Variants in METTL2B observed in about 807,000 individuals in gnomAD.
METTL2B encodes the protein tRNA N(3)-cytidine methyltransferase METTL2B.
Under a neutral mutation model 51.0 loss-of-function variants are expected in METTL2B, and 28 were observed. The ratio of observed to expected loss-of-function variants is 0.55; its 90% CI spans 0.41 to 0.75. The LOEUF (loss-of-function observed/expected upper bound fraction) is 0.75. Ranked by LOEUF, METTL2B falls within the 30% of genes least tolerant of loss-of-function variation. The pLI, the probability that METTL2B is intolerant of heterozygous loss-of-function variation, is 0.00. For missense variants in METTL2B, 313 were observed against 460.7 expected (o/e 0.68, Z 2.93); for synonymous variants, 128 against 166.3 (o/e 0.77, Z 1.77).
intron 5 of METTL2B, 31 bp from the exon 6 acceptor site, chr7:128,493,773 T>G (rs1377622102): frequency 6.3e-7 from 1 of 1,588,210 alleles, no homozygotes; most frequent in Admixed American, 1.9e-5. Flanking sequence ...TAATATTTTC[T>G]AACTTACTTG....
intron 6 of METTL2B, among the ~76,000 whole-genome samples, chr7:128,495,545 G>T (rs1430849816): frequency 1.3e-5 from 2 of 151,984 alleles, no homozygotes; most frequent in African/African-American, 4.8e-5. Flanking sequence ...CTGCCTCCCA[G>T]GTTAAAGCGA....
rs551890134 is a variant in METTL2B at position 128,498,222 on chromosome 7, C to A, written c.916+80C>A. 9.8e-5 allele frequency: 145 copies of A among 1,483,974 alleles called. 1 individual carries two copies. The highest frequency in any genetic ancestry group is 5.5e-4 in the African/African-American group (39 of 71,254). 91.9% of individuals were successfully genotyped at this position (1,483,974 alleles called of 1,614,324 possible). On this transcript the variant is annotated intron_variant, in intron 7 of 8. Transcript: ENST00000262432. ...ATGGATGAAGCTGGAAATCATCATT[C>A]TCAGCAAACTAACACAAGAACAGAA... is the stretch of plus-strand genomic sequence containing the variant.
At chr7:128,486,527 G>A (rs1262731413) in intron 4 of METTL2B, among the ~76,000 whole-genome samples, 1 of 151,834 alleles carries the variant, frequency 6.6e-6, no homozygotes, top group Admixed American at 6.6e-5. Context: ...TTCAACCTGG[G>A]AGGCAGAGGC....
intron 7 of METTL2B, among the ~76,000 whole-genome samples, chr7:128,499,667 T>TGA (rs1327355829): frequency 0.2 from 27,794 of 141,824 alleles, 3,794 homozygotes; most frequent in East Asian, 0.41. Flanking sequence ...TACAGGCATG[T>TGA]GCCACCACGC....
At chr7:128,479,740 T>C (rs879369628) in intron 3 of METTL2B, among the ~76,000 whole-genome samples, 11 of 152,230 alleles carry the variant, frequency 7.2e-5, no homozygotes, top group Non-Finnish European at 1.5e-4. Flanking sequence ...GGGAATAGCA[T>C]GTCACTTCCA....
Position 128,492,337 on chromosome 7 carries a change from T to C in METTL2B, c.670-1467T>C, listed in dbSNP as rs1792848652. Among the ~76,000 whole-genome samples the C allele has an allele frequency of 2.0e-5, 3 of 152,074 alleles. 1 individual carries two copies. In the South Asian group the frequency reaches 6.2e-4, roughly 32 times the overall value. On this transcript the variant is annotated intron_variant, in intron 5 of 8. Transcript: ENST00000262432. ...GCACCCAGCTAATTTTTTGTATTTT[T>C]AGTAGAGACGGGGTTTCACCATGTT...
intron 3 of METTL2B, among the ~76,000 whole-genome samples, 186 bp from the exon 4 acceptor site, chr7:128,480,461 T>TAACATGG (rs1491134972): frequency 5.3e-5 from 8 of 152,056 alleles, no homozygotes; most frequent in African/African-American, 1.9e-4. Context: ...TGTTCTTGTC[T>TAACATGG]TTTAAGGGTT....
chr7:128,498,136 A>T lies in METTL2B; in HGVS notation c.910A>T (p.Lys304Ter). Residue 304 changes from lysine (K) to a stop codon, truncating the protein, a stop_gained, in exon 7 of 9, where the codon AAA becomes TAA. Transcript: ENST00000262432. LOFTEE classifies it high-confidence loss of function. Reference protein sequence around the residue: ...GRYDMAQLRFKKGQCLSGNFY... With the variant: ...GRYDMAQLRF The stretch of plus-strand genomic sequence containing the variant: ...CTATGACATGGCTCAGCTTCGGTTT[A>T]AAAAAGGTATTTTGAGAGTGCTGAA... 1.2e-6 allele frequency: 2 copies of T among 1,612,858 alleles called. No homozygotes were observed. Among genetic ancestry groups the T allele is most frequent in the South Asian group, 2.2e-5 (2 of 91,062 alleles).
intron 7 of METTL2B, among the ~76,000 whole-genome samples, chr7:128,500,626 AAAAT>A (rs1793011502): frequency 6.9e-6 from 1 of 145,534 alleles, no homozygotes; most frequent in African/African-American, 2.5e-5. Context: ...TGTCTCAAAA[AAAAT>A]AAATAAATAA....
rs138917793 is a variant in METTL2B, at chr7:128,496,743, G to A, written c.810-1293G>A. Among the ~76,000 whole-genome samples, 15 of 148,552 alleles carry A rather than the reference G, an allele frequency of 1.0e-4. No individual in the cohort carries two copies. In the East Asian group the frequency reaches 3.0e-3, roughly 29 times the overall value. On this transcript the variant is annotated intron_variant, in intron 6 of 8. Transcript: ENST00000262432. Reference sequence around the variant, plus strand: ...CAGCCTGGGCAACATAGCATAGCAGGACCCCAGCTGCTTTTTCTTTGTTTG... The same window carrying A: ...CAGCCTGGGCAACATAGCATAGCAGAACCCCAGCTGCTTTTTCTTTGTTTG...
chr7:128,500,506 C>A (rs1793009858), intron 7 of METTL2B, among the ~76,000 whole-genome samples: 1 of 152,096 alleles, frequency 6.6e-6, no homozygotes, highest in Non-Finnish European at 1.5e-5. Flanking sequence ...CCTGTAATCC[C>A]AGCTACTTGG....
At chr7:128,495,481 C>G (rs1734761664) in intron 6 of METTL2B, among the ~76,000 whole-genome samples, 1 of 151,784 alleles carries the variant, frequency 6.6e-6, no homozygotes, top group Non-Finnish European at 1.5e-5. Context: ...GATGGAGTCT[C>G]ACTCTGTTGC....
In METTL2B at chr7:128,484,218, T is replaced by TTTTTTTTTTTTTTTTTG. The variant is rs1792644122; in HGVS notation, c.608+3538_608+3539insGTTTTTTTTTTTTTTTT. The TTTTTTTTTTTTTTTTTG allele has an allele frequency of 9.5e-5, 4 of 42,188 alleles. 1 individual carries two copies. Among genetic ancestry groups the TTTTTTTTTTTTTTTTTG allele is most frequent in the African/African-American group, 3.2e-4 (3 of 9,466 alleles). The allele number at this position is 42,188 out of a possible 1,614,324, so 2.6% of individuals were successfully genotyped here. A position where few individuals can be genotyped will look rare whatever the true frequency, so the allele number is the denominator to read the frequency against. On this transcript the variant is annotated intron_variant, in intron 4 of 8. Transcript: ENST00000262432. ...TTGAGTTACCCTATTGCCTAGATCC[T>TTTTTTTTTTTTTTTTTG]TTTTTTTTTTTTTTTTTTTTTTTTT...
chr7:128,477,003 G>T (rs1799809469), intron 1 of METTL2B, 79 bp from the exon 2 acceptor site: 1 of 1,420,056 alleles, frequency 7.0e-7, no homozygotes, highest in Non-Finnish European at 9.4e-7. Context: ...TCCAAGGGGA[G>T]AGAAACTCCT....
intron 4 of METTL2B, among the ~76,000 whole-genome samples, chr7:128,486,433 C>G (rs1792717888): frequency 6.6e-6 from 1 of 151,704 alleles, no homozygotes; most frequent in Admixed American, 6.6e-5. Flanking sequence ...AACCCTGTCT[C>G]TCCTAAAAAT....
Position 128,502,486 on chromosome 7 carries a change from G to A in METTL2B, c.*570G>A. The A allele has an allele frequency of 2.4e-6, 1 of 411,644 alleles. No individual in the cohort carries two copies. Among genetic ancestry groups the A allele is most frequent in the Non-Finnish European group, 4.8e-6 (1 of 209,928 alleles). 25.5% of individuals were successfully genotyped at this position (411,644 alleles called of 1,614,324 possible). On this transcript the variant is annotated 3_prime_UTR_variant, in exon 9 of 9. Transcript: ENST00000262432. ...GGGTTAGTGAAGGGCTTATTAAGTT[G>A]TAGGGGAAGCAAGCTGGGAAGAATC...
In METTL2B at chr7:128,490,264, A is replaced by G. The variant is rs551813939; in HGVS notation, c.669+2103A>G. Among the ~76,000 whole-genome samples the G allele has an allele frequency of 2.3e-3, 350 of 152,254 alleles. 1 individual carries two copies. Among genetic ancestry groups the G allele is most frequent in the African/African-American group, 8.0e-3 (334 of 41,554 alleles). ...GTTGAAAGAAAGAAAGAAAGAAAGA[A>G]TAAGACTAAAAAAGAAGAAGCAACA... On this transcript the variant is annotated intron_variant, in intron 5 of 8. Transcript: ENST00000262432.
rs147686226 is a variant in METTL2B, at chr7:128,484,803, G to A, written c.609-3298G>A. 6.7e-3 allele frequency among the ~76,000 whole-genome samples: 1,023 copies of A among 152,126 alleles called. 13 individuals carry two copies. The highest frequency in any genetic ancestry group is 0.024 in the African/African-American group (979 of 41,496). The stretch of plus-strand genomic sequence containing the variant: ...TCACTGTGTTGGCCAGGCTGGTCTC[G>A]AACTCCTGACCTCGTGATCTGCCTG... On this transcript the variant is annotated intron_variant, in intron 4 of 8. Coordinates refer to ENST00000262432, the MANE Select transcript of METTL2B (RefSeq NM_018396.3).
intron 4 of METTL2B, among the ~76,000 whole-genome samples, chr7:128,487,769 C>T (rs532432093): frequency 6.6e-6 from 1 of 151,816 alleles, no homozygotes; most frequent in South Asian, 2.1e-4. Flanking sequence ...CAAGGTGGCT[C>T]AGCGAAGAAA....
Sources: allele counts gnomAD v4.1 joint callset (sites outside exome capture counted in the v4.1 genomes callset), GRCh38; gene constraint gnomAD v4.1.1; transcripts MANE v1.5; gene names NCBI Gene and HGNC (gene_info 2026-07-23, HGNC 2026-07-21).